Variants in NPAS3 observed in about 807,000 individuals in gnomAD.
The protein encoded by NPAS3 is neuronal PAS domain protein 3.
In NPAS3, 14 loss-of-function variants were observed where a neutral mutation model predicts 73.1. That is an observed-to-expected ratio of 0.19 (90% CI 0.13 to 0.30). NPAS3 has a LOEUF of 0.30. NPAS3 is among the 10% of genes least tolerant of loss of function. The pLI is 1.00. For synonymous variants in NPAS3, 620 were observed against 541.5 expected, an observed-to-expected ratio of 1.14 and a Z score of -2.01; for missense variants, 1,096 against 1,250.0, an observed-to-expected ratio of 0.88 and a Z score of 1.86.
At chr14:33,155,801 T>C (rs1187516321) in intron 2 of NPAS3, among the ~76,000 whole-genome samples, 2 of 152,228 alleles carry the variant, frequency 1.3e-5, no homozygotes, top group Non-Finnish European at 2.9e-5. Context: ...TTTTTCTGTA[T>C]TGATTCCCAT....
intron 4 of NPAS3, among the ~76,000 whole-genome samples, chr14:33,514,508 A>G (rs531734084): frequency 8.9e-4 from 136 of 152,032 alleles, no homozygotes; most frequent in Non-Finnish European, 1.6e-3. Context: ...TTCTTCTCCT[A>G]AAAAGGCATA....
intron 4 of NPAS3, among the ~76,000 whole-genome samples, chr14:33,514,785 T>C (rs548118353): frequency 1.3e-5 from 2 of 152,214 alleles, no homozygotes; most frequent in African/African-American, 4.8e-5. Context: ...TATTATAAAC[T>C]ACTGGATAAA....
intron 4 of NPAS3, among the ~76,000 whole-genome samples, chr14:33,456,197 T>G (rs998436934): frequency 2.0e-5 from 3 of 151,984 alleles, no homozygotes; most frequent in Admixed American, 2.0e-4. Flanking sequence ...AGAGTGCCTG[T>G]GCATAATGTT....
chr14:33,148,732 G>A (rs1241107555), intron 2 of NPAS3, among the ~76,000 whole-genome samples: 4 of 152,010 alleles, frequency 2.6e-5, no homozygotes, highest in Non-Finnish European at 5.9e-5. Context: ...TGTCACTGAG[G>A]CTAGGTTATA....
At chr14:33,351,846 A>G (rs1483604143) in intron 3 of NPAS3, among the ~76,000 whole-genome samples, 1 of 152,180 alleles carries the variant, frequency 6.6e-6, no homozygotes, top group Non-Finnish European at 1.5e-5. Context: ...GAGTTGAACT[A>G]TGAGAACACA....
chr14:33,068,906 G>T (rs866710931), intron 2 of NPAS3, among the ~76,000 whole-genome samples: 1 of 152,150 alleles, frequency 6.6e-6, no homozygotes, highest in Non-Finnish European at 1.5e-5. Flanking sequence ...GAGGACAGTG[G>T]CAGGAGACAG....
At chr14:33,340,568 C>A (rs938978213) in intron 3 of NPAS3, among the ~76,000 whole-genome samples, 2 of 152,150 alleles carry the variant, frequency 1.3e-5, no homozygotes, top group East Asian at 1.9e-4. Context: ...TAACACTGCC[C>A]ACTACCACTT....
chr14:33,464,400 G>T (rs2050414023), intron 4 of NPAS3, among the ~76,000 whole-genome samples: 1 of 152,138 alleles, frequency 6.6e-6, no homozygotes, highest in Non-Finnish European at 1.5e-5. Flanking sequence ...GTAATCTATT[G>T]TTGAAATAGC....
At chr14:32,937,573 G>T (rs1401758834), upstream of NPAS3, among the ~76,000 whole-genome samples, 1 of 152,126 alleles carries the variant, frequency 6.6e-6, no homozygotes, top group Non-Finnish European at 1.5e-5. Flanking sequence ...ACTCCAAAGA[G>T]AACTTAAACA....
rs183551380 is a variant in NPAS3, at chr14:33,182,676, C to G, written c.141-32506C>G. On this transcript the variant is annotated intron_variant, in intron 2 of 11. Transcript: ENST00000356141. ...TAGGTTCCAAATTTTTTCCTTTATACTCAACCTGTGATTGTCCACATGGGG... is the reference window on the plus strand; with the variant it reads ...TAGGTTCCAAATTTTTTCCTTTATAGTCAACCTGTGATTGTCCACATGGGG... Among the ~76,000 whole-genome samples, 181 of 152,138 alleles carry G rather than the reference C, an allele frequency of 1.2e-3. 1 individual carries two copies. The Middle Eastern group carries it at 0.014, about 11-fold the overall frequency.
intron 5 of NPAS3, among the ~76,000 whole-genome samples, chr14:33,592,951 G>A (rs1259751549): frequency 6.6e-6 from 1 of 151,988 alleles, no homozygotes; most frequent in Non-Finnish European, 1.5e-5. Context: ...AACTTACCTA[G>A]GGAAAGTTTG....
chr14:33,191,404 T>C (rs919929000), intron 2 of NPAS3, among the ~76,000 whole-genome samples: 9 of 152,144 alleles, frequency 5.9e-5, no homozygotes, highest in African/African-American at 2.2e-4. Context: ...CAAATACAAG[T>C]AGAAGCAACT....
At chr14:33,004,355 T>A (rs1412353457) in intron 1 of NPAS3, among the ~76,000 whole-genome samples, 1 of 152,226 alleles carries the variant, frequency 6.6e-6, no homozygotes, top group Non-Finnish European at 1.5e-5. Context: ...CTGTACAGCA[T>A]GTTATTGTAC....
intron 7 of NPAS3, among the ~76,000 whole-genome samples, chr14:33,745,066 C>A (rs914112407): frequency 6.6e-6 from 1 of 151,798 alleles, no homozygotes. Context: ...AACAGCAAGA[C>A]CCCCTCTCTA....
chr14:32,949,316 T>A (rs897198091), intron 1 of NPAS3, among the ~76,000 whole-genome samples: 3 of 152,066 alleles, frequency 2.0e-5, no homozygotes, highest in Non-Finnish European at 2.9e-5. Context: ...TTTAGTCTCA[T>A]TGTAGCTGTG....
intron 4 of NPAS3, among the ~76,000 whole-genome samples, chr14:33,504,640 T>C (rs983465138): frequency 3.3e-5 from 5 of 152,018 alleles, no homozygotes; most frequent in African/African-American, 4.8e-5. Context: ...CAGTTCCCTA[T>C]TCAGAGTTGC....
chr14:33,733,309 G>A (rs7143208), intron 6 of NPAS3, among the ~76,000 whole-genome samples: 2,539 of 148,340 alleles, frequency 0.017, 34 homozygotes, highest in Middle Eastern at 0.045. Flanking sequence ...TCTGTCCTTG[G>A]GAGGAAAAAA....
At chr14:33,352,274 A>C (rs2045101496) in intron 3 of NPAS3, among the ~76,000 whole-genome samples, 2 of 152,310 alleles carry the variant, frequency 1.3e-5, no homozygotes, top group African/African-American at 4.8e-5. Flanking sequence ...AACTGGCCCA[A>C]GGTGGCACAA....
At chr14:33,198,495 A>C (rs1239281578) in intron 2 of NPAS3, among the ~76,000 whole-genome samples, 1 of 152,178 alleles carries the variant, frequency 6.6e-6, no homozygotes, top group Non-Finnish European at 1.5e-5. Flanking sequence ...TCCTCACCAG[A>C]TTAACTAGAC....
Sources: gnomAD v4.1 joint callset for allele counts (sites outside exome capture counted in the v4.1 genomes callset) on GRCh38, gnomAD v4.1.1 for gene constraint, MANE v1.5 for transcripts, NCBI Gene and HGNC (gene_info 2026-07-23, HGNC 2026-07-21) for gene names.